Variants in DENND4C observed in about 807,000 individuals in gnomAD.
DENND4C encodes DENN domain-containing protein 4C.
In DENND4C, 108 loss-of-function variants were observed where a neutral mutation model predicts 203.0. The observed-to-expected ratio is 0.53, with a 90% CI of 0.46 to 0.62. The LOEUF (loss-of-function observed/expected upper bound fraction) is 0.62, where lower values mean the gene tolerates loss of function less well. Among genes scored for constraint, DENND4C ranks in the 20% least tolerant of loss-of-function variants. The pLI, the probability that DENND4C is intolerant of heterozygous loss-of-function variation, is 0.00. For missense variants in DENND4C, 2,481 were observed against 2,301.2 expected (o/e 1.08, Z -1.60); for synonymous variants, 871 against 792.4 (o/e 1.10, Z -1.67).
intron 1 of DENND4C, among the ~76,000 whole-genome samples, chr9:19,231,326 G>C (rs1820493541): frequency 6.6e-6 from 1 of 152,148 alleles, no homozygotes; most frequent in South Asian, 2.1e-4. Context: ...CAACGGGGAG[G>C]AGGGGGACCT....
At chr9:19,298,795 A>C (rs1837965432) in intron 7 of DENND4C, among the ~76,000 whole-genome samples, 2 of 152,100 alleles carry the variant, frequency 1.3e-5, no homozygotes, top group South Asian at 4.1e-4. Flanking sequence ...AAGTTTTTCT[A>C]AGACATTCTT....
At chr9:19,245,463 T>C (rs111296060) in intron 1 of DENND4C, among the ~76,000 whole-genome samples, 9,176 of 22,434 alleles carry the variant, frequency 0.41, 567 homozygotes, top group African/African-American at 0.48. Context: ...TAAGACTCAG[T>C]CTCAAAAAAA....
intron 12 of DENND4C, among the ~76,000 whole-genome samples, chr9:19,321,075 T>C (rs917419527): frequency 2.0e-5 from 3 of 152,226 alleles, no homozygotes; most frequent in African/African-American, 2.4e-5. Flanking sequence ...CTAAGAGTAA[T>C]TGGAAGCCTG....
Position 19,280,500 on chromosome 9 carries a change from G to T in DENND4C, c.305+4021G>T, listed in dbSNP as rs114749897. Among the ~76,000 whole-genome samples, 832 of 152,186 alleles carry T rather than the reference G, an allele frequency of 5.5e-3. 11 individuals carry two copies. Among genetic ancestry groups the T allele is most frequent in the African/African-American group, 0.019 (799 of 41,522 alleles). On this transcript the variant is annotated intron_variant, in intron 2 of 32. Transcript: ENST00000434457. ...GTAAGTTAAAATGGGTGTAAACACA[G>T]AGTATTGGTTGCAGTGGAGTGACAT... is the stretch of plus-strand genomic sequence containing the variant.
At chr9:19,364,640 C>T (rs1827233337) in intron 30 of DENND4C, among the ~76,000 whole-genome samples, 3 of 151,886 alleles carry the variant, frequency 2.0e-5, no homozygotes, top group South Asian at 4.2e-4. Context: ...CGCCTGTAAT[C>T]CCAGCATTCT....
chr9:19,342,911 C>T (rs2131954102), intron 22 of DENND4C, 132 bp downstream of exon 22: 1 of 676,164 alleles, frequency 1.5e-6, no homozygotes, highest in Admixed American at 4.1e-5. Context: ...CTTTTGAATT[C>T]TCTAAATCGG....
rs1360366350 is a variant in DENND4C at position 19,360,310 on chromosome 9, C to T, written c.5227C>T (p.Arg1743Cys). The change falls in exon 29 of 33, where the codon CGT (arginine) becomes TGT (cysteine). Residue 1743 changes from arginine (R) to cysteine (C), a missense_variant. Arg to Cys is a radical substitution (Grantham distance 180, BLOSUM62 -3). This residue lies in a region of DENND4C where 2,289 missense variants were observed against 2,113.3 expected (regional missense o/e 1.08). Transcript: ENST00000434457. ...GCCCTACTTGAGTCCTCTAGTACTCCGTAAAGAACTTGAATCTTTGCTAGA... is the reference window on the plus strand; with the variant it reads ...GCCCTACTTGAGTCCTCTAGTACTCTGTAAAGAACTTGAATCTTTGCTAGA... The part of the protein sequence containing the change: ...SVPYLSPLVL[R>C]KELESLLENE... The T allele has an allele frequency of 3.8e-5, 61 of 1,613,762 alleles. No homozygotes were observed. The highest frequency in any genetic ancestry group is 5.1e-5 in the Non-Finnish European group (60 of 1,179,876).
At chr9:19,350,661 G>T in intron 23 of DENND4C, 41 bp from the exon 24 acceptor site, 6 of 1,555,376 alleles carry the variant, frequency 3.9e-6, no homozygotes, top group Non-Finnish European at 5.3e-6. Context: ...ACTGGAGAAG[G>T]TATTATTTAT....
chr9:19,343,202 A>G (rs1822051585), intron 22 of DENND4C, among the ~76,000 whole-genome samples: 3 of 152,166 alleles, frequency 2.0e-5, no homozygotes, highest in Non-Finnish European at 4.4e-5. Flanking sequence ...TCCCCTCTAC[A>G]CAGATATGCC....
At chr9:19,238,476 T>TG (rs1822658314) in intron 1 of DENND4C, among the ~76,000 whole-genome samples, 1 of 9,966 alleles carries the variant, frequency 1.0e-4, no homozygotes, top group Non-Finnish European at 1.7e-4. Flanking sequence ...CCCTCTCCCC[T>TG]CCCCTCCCCC....
intron 30 of DENND4C, among the ~76,000 whole-genome samples, chr9:19,362,530 T>G (rs528063668): frequency 1.0e-4 from 14 of 138,860 alleles, no homozygotes; most frequent in Admixed American, 5.8e-4. Context: ...TTCAAAGTGA[T>G]TTGCTGTTAA....
chr9:19,342,553 C>T (rs1381483187), intron 21 of DENND4C, 80 bp from the exon 22 acceptor site: 3 of 1,386,890 alleles, frequency 2.2e-6, no homozygotes, highest in East Asian at 2.5e-5. Flanking sequence ...AAAATACATA[C>T]AATATCTAAA....
chr9:19,290,791 C>G lies in DENND4C; in HGVS notation c.716C>G (p.Ala239Gly), dbSNP rs1414199028. 1 of 1,610,882 alleles carries G rather than the reference C, an allele frequency of 6.2e-7. No individual in the cohort carries two copies. The highest frequency in any genetic ancestry group is 8.5e-7 in the Non-Finnish European group (1 of 1,178,286). Reference sequence around the variant, plus strand: ...CCTCTTTTCTGCCTTCCTATGGGAGCTACTATTGAGTGCTGGGATCCTGAA... The same window carrying G: ...CCTCTTTTCTGCCTTCCTATGGGAGGTACTATTGAGTGCTGGGATCCTGAA... ...DVPLFCLPMG[A>G]TIECWDPETK... Residue 239 changes from alanine to glycine, a missense_variant, in exon 5 of 33, where the codon GCT becomes GGT. Transcript: ENST00000434457.
intron 1 of DENND4C, among the ~76,000 whole-genome samples, chr9:19,246,753 A>G (rs1161386278): frequency 2.7e-5 from 4 of 150,166 alleles, no homozygotes; most frequent in African/African-American, 9.8e-5. Context: ...TTTTTATTTT[A>G]TCTAGACCTG....
At chr9:19,347,176 T>G in intron 23 of DENND4C, 90 bp downstream of exon 23, 2 of 1,314,482 alleles carry the variant, frequency 1.5e-6, no homozygotes, top group South Asian at 1.5e-5. Flanking sequence ...CAGAGATTTC[T>G]GTGCCCAGGC....
In DENND4C at chr9:19,346,900, A is replaced by C. The variant is rs1823033316; in HGVS notation, c.4131A>C (p.Ala1377=). The C allele has an allele frequency of 6.2e-7, 1 of 1,614,080 alleles. No homozygotes were observed. Among genetic ancestry groups the C allele is most frequent in the African/African-American group, 1.3e-5 (1 of 74,926 alleles). Reference sequence around the variant, plus strand: ...AAGAACGTTCAACTTCTTTGTCAGCACTGGTGCGTTCTTCGCCACATGGCT... The same window carrying C: ...AAGAACGTTCAACTTCTTTGTCAGCCCTGGTGCGTTCTTCGCCACATGGCT... ...THKERSTSLS[A]LVRSSPHGSL... is the part of the protein sequence containing the mutation. The change falls in exon 23 of 33, where the codon GCA becomes GCC. Residue 1377 remains alanine (A), a synonymous_variant. Transcript: ENST00000434457.
At chr9:19,296,571 T>C (rs1031465984) in intron 6 of DENND4C, among the ~76,000 whole-genome samples, 21 of 152,070 alleles carry the variant, frequency 1.4e-4, no homozygotes, top group Admixed American at 1.3e-3. Context: ...GCCAGGCTGG[T>C]CTTGAACTCC....
intron 1 of DENND4C, among the ~76,000 whole-genome samples, chr9:19,239,485 G>C (rs1207118961): frequency 6.7e-6 from 1 of 148,982 alleles, no homozygotes; most frequent in Admixed American, 6.7e-5. Context: ...TTTTTTTTAA[G>C]ATGGAGTCTC....
chr9:19,352,103 G>A lies in DENND4C; in HGVS notation c.4526G>A (p.Gly1509Glu), dbSNP rs186014913. ...GEVPFPRGMK[G>E]QDFEKSDHGS... ...GTTCCATTTCCAAGAGGCATGAAAG[G>A]GCAAGACTTTGAAAAATCAGATCAT... Residue 1509 changes from glycine to glutamate, a missense_variant, in exon 25 of 33, where the codon GGG becomes GAG. Transcript: ENST00000434457. The A allele has an allele frequency of 6.2e-7, 1 of 1,613,728 alleles. No homozygotes were observed. Among genetic ancestry groups the A allele is most frequent in the African/African-American group, 1.3e-5 (1 of 74,962 alleles).
Sources: allele counts gnomAD v4.1 joint callset (sites outside exome capture counted in the v4.1 genomes callset), GRCh38; gene constraint gnomAD v4.1.1; regional missense constraint gnomAD v4.1.1; transcripts MANE v1.5; gene names NCBI Gene and HGNC (gene_info 2026-07-23, HGNC 2026-07-21).